Variants in STAMBPL1 observed in about 807,000 individuals in gnomAD.
STAMBPL1 encodes the protein STAM binding protein like 1.
A neutral mutation model predicts 52.9 loss-of-function variants in STAMBPL1; 44 were observed. The observed-to-expected ratio is 0.83, with a 90% CI of 0.65 to 1.07. The LOEUF is 1.07. STAMBPL1 is among the 50% of genes least tolerant of loss of function. The pLI is 0.00. For missense variants in STAMBPL1, 511 were observed against 520.8 expected (o/e 0.98, Z 0.18); for synonymous variants, 164 against 177.3 (o/e 0.92, Z 0.60).
intron 2 of STAMBPL1, among the ~76,000 whole-genome samples, chr10:88,904,770 A>G (rs1283498708): frequency 6.6e-6 from 1 of 152,156 alleles, no homozygotes; most frequent in Non-Finnish European, 1.5e-5. Context: ...TTTCTTAGTA[A>G]CATATCATTA....
chr10:88,888,156 A>C (rs1844585722), intron 1 of STAMBPL1, among the ~76,000 whole-genome samples: 1 of 152,152 alleles, frequency 6.6e-6, no homozygotes. Context: ...AGATATTTGG[A>C]TAGGGCAGAG....
intron 1 of STAMBPL1, among the ~76,000 whole-genome samples, chr10:88,889,815 GT>G (rs1449274645): frequency 6.6e-6 from 1 of 152,164 alleles, no homozygotes; most frequent in African/African-American, 2.4e-5. Context: ...TTTCACCGAA[GT>G]CCTTCTGGGC....
intron 1 of STAMBPL1, among the ~76,000 whole-genome samples, chr10:88,897,188 C>T (rs1844832314): frequency 6.6e-6 from 1 of 152,202 alleles, no homozygotes; most frequent in African/African-American, 2.4e-5. Flanking sequence ...ATGGATGAGA[C>T]AGCATTTTGG....
intron 3 of STAMBPL1, among the ~76,000 whole-genome samples, chr10:88,906,146 CTCAT>C (rs145559165): frequency 0.054 from 8,183 of 152,132 alleles, 556 homozygotes; most frequent in African/African-American, 0.16. Context: ...GTTCAGGAAA[CTCAT>C]TCAAGTTTCA....
Position 88,913,475 on chromosome 10 carries a change from AC to A in STAMBPL1, c.778+20del, listed in dbSNP as rs1303701596. The stretch of plus-strand genomic sequence containing the variant: ...CTGTTCAGAGTAAGTGATGAAATGC[AC>A]CCATGTGAGACACTGAGCCTCATCG... On this transcript the variant is annotated intron_variant, in intron 6 of 10. Coordinates refer to ENST00000371926, the MANE Select transcript of STAMBPL1 (RefSeq NM_020799.4). 9 of 1,593,456 alleles carry A rather than the reference AC, an allele frequency of 5.6e-6. No individual in the cohort carries two copies. The highest frequency in any genetic ancestry group is 1.7e-5 in the Admixed American group (1 of 58,926).
chr10:88,882,533 C>G (rs1844431720), intron 1 of STAMBPL1: 1 of 152,156 alleles, frequency 6.6e-6, no homozygotes, highest in Admixed American at 6.5e-5. Flanking sequence ...GAAAAGAAAA[C>G]TGATGATTCT....
In STAMBPL1 at chr10:88,913,638, T is replaced by C. The variant is rs145001557; in HGVS notation, c.778+180T>C. Among the ~76,000 whole-genome samples the C allele has an allele frequency of 8.7e-4, 132 of 152,300 alleles. 1 individual carries two copies. The highest frequency in any genetic ancestry group is 2.8e-3 in the African/African-American group (116 of 41,564). On this transcript the variant is annotated intron_variant, in intron 6 of 10. Transcript: ENST00000371926. ...CTCTAGCTTTTACTATATATAATCT[T>C]AAAATTCAGGAAATATGATGCCCCC... is the stretch of plus-strand genomic sequence containing the variant.
chr10:88,908,557 T>C, intron 3 of STAMBPL1, 145 bp from the exon 4 acceptor site: 1 of 667,322 alleles, frequency 1.5e-6, no homozygotes, highest in African/African-American at 1.9e-5. Context: ...CAGACTTTAG[T>C]GAAAAGGCAG....
intron 1 of STAMBPL1, among the ~76,000 whole-genome samples, chr10:88,899,536 G>A (rs1443630875): frequency 1.3e-5 from 2 of 152,146 alleles, no homozygotes; most frequent in African/African-American, 2.4e-5. Context: ...TTGAGCTGGA[G>A]TCTCGCTCTG....
At chr10:88,896,423 A>T (rs1412468018) in intron 1 of STAMBPL1, among the ~76,000 whole-genome samples, 1 of 152,170 alleles carries the variant, frequency 6.6e-6, no homozygotes, top group Non-Finnish European at 1.5e-5. Flanking sequence ...ACCTCTCTTT[A>T]TCTAAATCAG....
intron 1 of STAMBPL1, among the ~76,000 whole-genome samples, chr10:88,897,002 G>A (rs1336429822): frequency 6.6e-6 from 1 of 152,166 alleles, no homozygotes; most frequent in East Asian, 1.9e-4. Flanking sequence ...TGATTTTAAA[G>A]GGCAGAATTG....
intron 4 of STAMBPL1, 21 bp from the exon 5 acceptor site, chr10:88,910,895 A>T (rs370544295): frequency 1.2e-5 from 18 of 1,505,710 alleles, no homozygotes; most frequent in Non-Finnish European, 1.6e-5. Flanking sequence ...ACTAATCAAT[A>T]TGTATATATA....
chr10:88,886,606 A>G (rs1844540317), intron 1 of STAMBPL1, among the ~76,000 whole-genome samples: 1 of 152,110 alleles, frequency 6.6e-6, no homozygotes, highest in African/African-American at 2.4e-5. Context: ...CAAGCAAGAG[A>G]TAACTGTTAA....
intron 3 of STAMBPL1, among the ~76,000 whole-genome samples, chr10:88,906,941 T>C (rs1232197209): frequency 6.6e-6 from 1 of 152,156 alleles, no homozygotes; most frequent in East Asian, 1.9e-4. Context: ...TTAAGTATAA[T>C]CATCATATAC....
intron 1 of STAMBPL1, among the ~76,000 whole-genome samples, chr10:88,897,218 A>G (rs866890808): frequency 6.6e-6 from 1 of 152,330 alleles, no homozygotes; most frequent in Middle Eastern, 3.4e-3. Context: ...CTCTGGGCAC[A>G]GTCGACTGCT....
chr10:88,882,034 C>A (rs565122588), intron 1 of STAMBPL1: 14 of 152,284 alleles, frequency 9.2e-5, no homozygotes, highest in Admixed American at 2.6e-4. Context: ...CAGCAAATTG[C>A]CACTAAGAAT....
intron 6 of STAMBPL1, 143 bp from the exon 7 acceptor site, chr10:88,914,391 T>C: frequency 2.0e-6 from 1 of 492,956 alleles, no homozygotes; most frequent in Non-Finnish European, 3.2e-6. Flanking sequence ...TCTAAGAGTT[T>C]TAAAATAAAA....
chr10:88,890,498 T>C (rs1386320770), intron 1 of STAMBPL1, among the ~76,000 whole-genome samples: 1 of 152,120 alleles, frequency 6.6e-6, no homozygotes, highest in African/African-American at 2.4e-5. Context: ...TTTTGAGAGA[T>C]GTTTTGGAGG....
chr10:88,881,189 G>C (rs1056062192), intron 1 of STAMBPL1, among the ~76,000 whole-genome samples: 2 of 152,124 alleles, frequency 1.3e-5, no homozygotes, highest in African/African-American at 4.8e-5. Context: ...ATAACTTAAA[G>C]CTTTCGCTGA....
Sources: allele counts gnomAD v4.1 joint callset (sites outside exome capture counted in the v4.1 genomes callset), GRCh38; gene constraint gnomAD v4.1.1; transcripts MANE v1.5; gene names NCBI Gene and HGNC (gene_info 2026-07-23, HGNC 2026-07-21).